The following CDH13 variants were observed in gnomAD, a reference collection of about 807,000 sequenced individuals.
CDH13 encodes the protein cadherin 13, also known as cadherin-13.
Under a neutral mutation model 63.8 loss-of-function variants are expected in CDH13, and 24 were observed. The observed-to-expected ratio is 0.38, with a 90% CI of 0.27 to 0.53. The LOEUF (loss-of-function observed/expected upper bound fraction) is 0.53. Ranked by LOEUF, CDH13 falls within the 20% of genes least tolerant of loss-of-function variation. CDH13 has a pLI of 0.85. For missense variants in CDH13, 1,049 were observed against 903.1 expected, an observed-to-expected ratio of 1.16 and a Z score of -2.07; for synonymous variants, 503 against 355.3, an observed-to-expected ratio of 1.42 and a Z score of -4.67.
intron 10 of CDH13, chr16:83,726,378 C>CGTTCATTT (rs200863344): frequency 3.9e-5 from 6 of 151,998 alleles, no homozygotes; most frequent in South Asian, 2.1e-4. Context: ...TCCATTCATT[C>CGTTCATTT]ATTCATTTAT....
At chr16:83,472,617 C>T (rs1477411041) in intron 6 of CDH13, among the ~76,000 whole-genome samples, 2 of 152,106 alleles carry the variant, frequency 1.3e-5, no homozygotes, top group African/African-American at 4.8e-5. Context: ...GGAGCAGGTG[C>T]CTTTGGTCTC....
In CDH13 at chr16:82,966,205, G is replaced by C. The variant is rs566149497; in HGVS notation, c.158-65805G>C. On this transcript the variant is annotated intron_variant, in intron 2 of 13. Coordinates refer to ENST00000567109, the MANE Select transcript of CDH13 (RefSeq NM_001257.5). ...GGTCTGTCGCCCAGGCTGGAGTGCA[G>C]TGGTGCGATCTCGGCCCATGGCAAC... Among the ~76,000 whole-genome samples the C allele has an allele frequency of 2.4e-3, 368 of 152,358 alleles. 3 individuals carry two copies. Among genetic ancestry groups the C allele is most frequent in the Middle Eastern group, 0.017 (5 of 292 alleles).
intron 3 of CDH13, among the ~76,000 whole-genome samples, chr16:83,045,324 A>T (rs1032027244): frequency 6.6e-6 from 1 of 152,084 alleles, no homozygotes; most frequent in African/African-American, 2.4e-5. Context: ...CCAAATGTAA[A>T]TGTCTGCCAA....
chr16:83,777,016 C>G (rs1235970166), intron 11 of CDH13, among the ~76,000 whole-genome samples: 1 of 152,168 alleles, frequency 6.6e-6, no homozygotes. Flanking sequence ...AACCGCTGGT[C>G]TTCCCACTTC....
Position 82,789,869 on chromosome 16 carries a change from G to C in CDH13, c.46-68493G>C, listed in dbSNP as rs567852879. 6.6e-5 allele frequency among the ~76,000 whole-genome samples: 10 copies of C among 152,234 alleles called. No individual in the cohort carries two copies. In the East Asian group the frequency reaches 1.5e-3, roughly 24 times the overall value. On this transcript the variant is annotated intron_variant, in intron 1 of 13. Coordinates refer to ENST00000567109, the MANE Select transcript of CDH13 (RefSeq NM_001257.5). ...CTGTCCACAGAGCATCTCCTCACTG[G>C]ACAGGCATTGTGGGCACGCTCCTGC...
At chr16:83,502,169 G>A (rs977104288) in intron 7 of CDH13, among the ~76,000 whole-genome samples, 1 of 152,130 alleles carries the variant, frequency 6.6e-6, no homozygotes, top group Non-Finnish European at 1.5e-5. Context: ...ACCTTACAGG[G>A]CAAATGGGAC....
intron 7 of CDH13, among the ~76,000 whole-genome samples, chr16:83,519,423 A>G (rs60288279): frequency 2.0e-3 from 308 of 152,354 alleles, no homozygotes; most frequent in African/African-American, 7.2e-3. Context: ...TAATACTTCA[A>G]TGAAAAAGAA....
intron 8 of CDH13, among the ~76,000 whole-genome samples, chr16:83,603,630 A>T (rs547058419): frequency 6.6e-6 from 1 of 152,152 alleles, no homozygotes; most frequent in African/African-American, 2.4e-5. Flanking sequence ...AAAAACCTAT[A>T]TAGGGACCTG....
intron 8 of CDH13, among the ~76,000 whole-genome samples, chr16:83,609,830 T>C (rs1908691170): frequency 6.6e-6 from 1 of 152,208 alleles, no homozygotes; most frequent in African/African-American, 2.4e-5. Context: ...TTTAGAACAT[T>C]TTCATCGTCC....
At chr16:83,037,384 A>C (rs1303196923) in intron 3 of CDH13, among the ~76,000 whole-genome samples, 1 of 152,200 alleles carries the variant, frequency 6.6e-6, no homozygotes, top group Non-Finnish European at 1.5e-5. Flanking sequence ...CTTTGCTGCT[A>C]GAAGGCTGTG....
intron 3 of CDH13, among the ~76,000 whole-genome samples, chr16:83,063,244 G>A (rs1442234660): frequency 1.3e-5 from 2 of 152,156 alleles, no homozygotes; most frequent in South Asian, 2.1e-4. Context: ...TTACAGGTGT[G>A]AGCTATCACG....
chr16:83,525,043 A>T (rs1027879280), intron 7 of CDH13, among the ~76,000 whole-genome samples: 2 of 152,222 alleles, frequency 1.3e-5, no homozygotes, highest in African/African-American at 4.8e-5. Context: ...TGTAAGGAGA[A>T]GTTATTGGTC....
chr16:82,885,623 C>T (rs2040861808), intron 2 of CDH13, among the ~76,000 whole-genome samples: 1 of 152,052 alleles, frequency 6.6e-6, no homozygotes, highest in African/African-American at 2.4e-5. Context: ...TTCTATCTAT[C>T]TGTATATTCT....
chr16:83,138,065 G>A (rs183324304), intron 4 of CDH13, among the ~76,000 whole-genome samples: 3 of 152,168 alleles, frequency 2.0e-5, no homozygotes, highest in East Asian at 1.9e-4. Context: ...ACAGAAGAAC[G>A]CTTGAATGTG....
intron 6 of CDH13, among the ~76,000 whole-genome samples, chr16:83,414,368 C>G (rs1284268735): frequency 6.6e-6 from 1 of 152,076 alleles, no homozygotes; most frequent in African/African-American, 2.4e-5. Flanking sequence ...CCACCACAGT[C>G]TGATTTTATA....
At chr16:83,318,561 C>A (rs906497675) in intron 5 of CDH13, among the ~76,000 whole-genome samples, 3 of 152,180 alleles carry the variant, frequency 2.0e-5, no homozygotes, top group African/African-American at 7.2e-5. Context: ...TTCTGTTACT[C>A]AAAATTGGCC....
intron 2 of CDH13, among the ~76,000 whole-genome samples, chr16:82,974,712 A>G (rs1273891645): frequency 3.3e-5 from 5 of 152,204 alleles, no homozygotes; most frequent in African/African-American, 1.2e-4. Flanking sequence ...AGATTTAAAG[A>G]TGCTCTATTG....
chr16:83,417,324 T>C (rs1188778871), intron 6 of CDH13, among the ~76,000 whole-genome samples: 3 of 152,192 alleles, frequency 2.0e-5, no homozygotes, highest in Non-Finnish European at 2.9e-5. Flanking sequence ...TTCCCCAAGA[T>C]TACCATTACA....
intron 3 of CDH13, among the ~76,000 whole-genome samples, chr16:83,058,033 A>T (rs956402344): frequency 2.0e-5 from 3 of 152,240 alleles, no homozygotes; most frequent in Non-Finnish European, 4.4e-5. Context: ...CAGCAACTTT[A>T]CTTTCAAAAG....
Sources: allele counts gnomAD v4.1 joint callset (sites outside exome capture counted in the v4.1 genomes callset), GRCh38; gene constraint gnomAD v4.1.1; transcripts MANE v1.5; gene names NCBI Gene and HGNC (gene_info 2026-07-23, HGNC 2026-07-21).